The following ZCCHC7 variants were observed in gnomAD, a reference collection of about 807,000 sequenced individuals.
ZCCHC7 encodes the protein zinc finger CCHC-type containing 7.
ZCCHC7 carries 35 observed loss-of-function variants against 52.0 expected under a neutral mutation model. The ratio of observed to expected loss-of-function variants is 0.67; its 90% confidence interval spans 0.51 to 0.89. The LOEUF (loss-of-function observed/expected upper bound fraction) is 0.89, where lower values mean the gene tolerates loss of function less well. ZCCHC7 is among the 40% of genes least tolerant of loss of function. The probability of loss-of-function intolerance (pLI) is 0.00; values close to 1 mark genes in which losing one functional copy is unlikely to be tolerated. For synonymous variants in ZCCHC7, 217 were observed against 221.5 expected (o/e 0.98, Z 0.18); for missense variants, 574 against 649.1 (o/e 0.88, Z 1.26).
At chr9:37,223,419 A>G (rs1333942253) in intron 2 of ZCCHC7, among the ~76,000 whole-genome samples, 2 of 152,206 alleles carry the variant, frequency 1.3e-5, no homozygotes, top group African/African-American at 4.8e-5. Context: ...ATGAGCTCAC[A>G]TAAATGAAAT....
intron 5 of ZCCHC7, among the ~76,000 whole-genome samples, chr9:37,307,952 T>G (rs957048236): frequency 6.6e-6 from 1 of 152,196 alleles, no homozygotes; most frequent in African/African-American, 2.4e-5. Context: ...ATTGTCAAAT[T>G]GCTCTTCTAA....
At chr9:37,168,199 A>G (rs1302976117) in intron 2 of ZCCHC7, among the ~76,000 whole-genome samples, 2 of 152,104 alleles carry the variant, frequency 1.3e-5, no homozygotes, top group African/African-American at 2.4e-5. Context: ...ATTCACCTAG[A>G]TGTCTTTCAT....
chr9:37,251,910 G>T (rs1337601292), intron 2 of ZCCHC7, among the ~76,000 whole-genome samples: 1 of 152,122 alleles, frequency 6.6e-6, no homozygotes, highest in Non-Finnish European at 1.5e-5. Context: ...TCATATGTAA[G>T]CAGTATTAGC....
intron 5 of ZCCHC7, among the ~76,000 whole-genome samples, chr9:37,306,738 C>T (rs941553420): frequency 8.1e-6 from 1 of 123,456 alleles, no homozygotes; most frequent in African/African-American, 3.0e-5. Context: ...GCTGGGATTA[C>T]AGGCATGAGC....
At chr9:37,250,038 C>G (rs1024585580) in intron 2 of ZCCHC7, among the ~76,000 whole-genome samples, 2 of 152,082 alleles carry the variant, frequency 1.3e-5, no homozygotes, top group African/African-American at 4.8e-5. Flanking sequence ...TCTAATAGTC[C>G]AGCCTTGTAA....
At chr9:37,274,326 A>G (rs1452834565) in intron 2 of ZCCHC7, among the ~76,000 whole-genome samples, 2 of 139,094 alleles carry the variant, frequency 1.4e-5, no homozygotes. Flanking sequence ...TACCATATCT[A>G]ATTTCTTTTT....
intron 2 of ZCCHC7, among the ~76,000 whole-genome samples, chr9:37,184,792 T>A (rs567718010): frequency 6.6e-6 from 1 of 152,240 alleles, no homozygotes; most frequent in African/African-American, 2.4e-5. Context: ...CATGACTGTT[T>A]TTGGGATAAC....
chr9:37,304,154 A>T lies in ZCCHC7; in HGVS notation c.655-34A>T, dbSNP rs770208098. On this transcript the variant is annotated intron_variant, in intron 3 of 8. Transcript: ENST00000336755. The stretch of plus-strand genomic sequence containing the variant: ...GATGGCTTTTATTTAGCAGTGAAAC[A>T]ATTTTTTTAATTCTTGATTTTTTTT... 9 of 1,573,424 alleles carry T rather than the reference A, an allele frequency of 5.7e-6. No individual in the cohort carries two copies. In the African/African-American group the frequency reaches 1.4e-4, roughly 24 times the overall value.
chr9:37,278,354 T>C (rs1395555450), intron 2 of ZCCHC7, among the ~76,000 whole-genome samples: 1 of 152,174 alleles, frequency 6.6e-6, no homozygotes, highest in Non-Finnish European at 1.5e-5. Flanking sequence ...ATTTTAGAAC[T>C]GAAAAATGTA....
intron 6 of ZCCHC7, among the ~76,000 whole-genome samples, 155 bp downstream of exon 6, chr9:37,327,989 C>T (rs1041785152): frequency 1.3e-5 from 2 of 152,016 alleles, no homozygotes; most frequent in African/African-American, 4.8e-5. Context: ...CACTTTTTCT[C>T]TTTTCCACTG....
chr9:37,132,007 T>A (rs993466152), intron 2 of ZCCHC7, among the ~76,000 whole-genome samples: 4 of 152,202 alleles, frequency 2.6e-5, no homozygotes, highest in Non-Finnish European at 5.9e-5. Context: ...TTCCTTTACT[T>A]CCTTTATTCT....
At chr9:37,267,585 T>TTTTC (rs1827173464) in intron 2 of ZCCHC7, among the ~76,000 whole-genome samples, 1 of 147,916 alleles carries the variant, frequency 6.8e-6, no homozygotes, top group East Asian at 1.9e-4. Flanking sequence ...TTTTTTTTTT[T>TTTTC]TTGAGACAGA....
intron 2 of ZCCHC7, among the ~76,000 whole-genome samples, chr9:37,225,915 A>C (rs1455037566): frequency 6.6e-6 from 1 of 152,252 alleles, no homozygotes; most frequent in Non-Finnish European, 1.5e-5. Context: ...ATTGTACTGG[A>C]AGTCAATTGT....
intron 2 of ZCCHC7, chr9:37,160,057 C>G (rs1318062803): frequency 1.3e-5 from 2 of 152,172 alleles, no homozygotes. Context: ...CTCTTTTTGA[C>G]TCTTAAGGCT....
intron 2 of ZCCHC7, among the ~76,000 whole-genome samples, chr9:37,287,678 T>C (rs1224041528): frequency 6.6e-6 from 1 of 152,210 alleles, no homozygotes; most frequent in Admixed American, 6.5e-5. Flanking sequence ...TTTATGTGTT[T>C]TTACACACAA....
intron 5 of ZCCHC7, among the ~76,000 whole-genome samples, chr9:37,325,020 A>G (rs1358608008): frequency 1.3e-5 from 2 of 152,362 alleles, no homozygotes; most frequent in Non-Finnish European, 2.9e-5. Flanking sequence ...AACAATAATT[A>G]GCACCTGATA....
rs796363918 is a variant in ZCCHC7 at position 37,201,249 on chromosome 9, T to C, written c.610+74307T>C. Among the ~76,000 whole-genome samples, 5 of 152,210 alleles carry C rather than the reference T, an allele frequency of 3.3e-5. No individual in the cohort carries two copies. In the East Asian group the frequency reaches 7.7e-4, roughly 23 times the overall value. ...CCATTGTCTTTTTAATGCCATATTA[T>C]TTTTGTATTACAGTGGCTTCCTAGC... On this transcript the variant is annotated intron_variant, in intron 2 of 8. Transcript: ENST00000336755.
intron 2 of ZCCHC7, among the ~76,000 whole-genome samples, chr9:37,146,659 G>A (rs1843447429): frequency 6.6e-6 from 1 of 151,940 alleles, no homozygotes. Flanking sequence ...TCTTTTGAGA[G>A]AATAATGCAG....
chr9:37,220,152 G>A (rs1824734074), intron 2 of ZCCHC7, among the ~76,000 whole-genome samples: 1 of 152,222 alleles, frequency 6.6e-6, no homozygotes, highest in African/African-American at 2.4e-5. Flanking sequence ...ACTATGCTCA[G>A]TGTTTGAGAA....
Sources: allele counts gnomAD v4.1 joint callset (sites outside exome capture counted in the v4.1 genomes callset), GRCh38; gene constraint gnomAD v4.1.1; transcripts MANE v1.5; gene names NCBI Gene and HGNC (gene_info 2026-07-23, HGNC 2026-07-21).